The following GNAS variants were observed in gnomAD, a reference collection of about 807,000 sequenced individuals.
GNAS encodes the protein GNAS complex locus, also known as protein ALEX.
Under a neutral mutation model 54.5 loss-of-function variants are expected in GNAS, and 8 were observed. That is an observed-to-expected ratio of 0.15 (90% CI 0.09 to 0.26). The LOEUF (loss-of-function observed/expected upper bound fraction) is 0.26, where lower values mean the gene tolerates loss of function less well. GNAS is among the 10% of genes least tolerant of loss of function. The pLI, the probability that GNAS is intolerant of heterozygous loss-of-function variation, is 1.00. For missense variants in GNAS, 170 were observed against 529.8 expected (o/e 0.32, Z 6.67); for synonymous variants, 204 against 191.4 (o/e 1.07, Z -0.54).
At chr20:58,906,559 TCTCA>T (rs1569022484) in intron 6 of GNAS, among the ~76,000 whole-genome samples, 1 of 152,080 alleles carries the variant, frequency 6.6e-6, no homozygotes, top group East Asian at 1.9e-4. Context: ...TGAAACGGAG[TCTCA>T]CTCTGTCACC....
chr20:58,874,293 G>C (rs1228970318), intron 1 of GNAS, among the ~76,000 whole-genome samples: 10 of 152,250 alleles, frequency 6.6e-5, no homozygotes, highest in African/African-American at 2.4e-4. Context: ...GAGTGGTGCT[G>C]AGAACTGCCT....
intron 3 of GNAS, chr20:58,899,914 T>G: frequency 1.4e-6 from 1 of 717,742 alleles, no homozygotes; most frequent in East Asian, 2.7e-5. Flanking sequence ...GGGGACAAAG[T>G]AACTGACACA....
intron 3 of GNAS, chr20:58,900,109 AAAC>A (rs2090471508): frequency 3.5e-6 from 2 of 575,030 alleles, no homozygotes; most frequent in Non-Finnish European, 6.3e-6. Context: ...ACCTGACCTT[AAAC>A]GATGATTGAA....
intron 1 of GNAS, among the ~76,000 whole-genome samples, chr20:58,851,281 C>A (rs942304899): frequency 1.3e-5 from 2 of 152,174 alleles, no homozygotes; most frequent in Admixed American, 1.3e-4. Context: ...GCCTGTGGTA[C>A]CCTGGCTCTA....
In GNAS at chr20:58,872,269, T is replaced by G. The variant is rs1470072748; in HGVS notation, c.44-23343T>G. Among the ~76,000 whole-genome samples, 4 of 152,192 alleles carry G rather than the reference T, an allele frequency of 2.6e-5. No homozygotes were observed. The East Asian group carries it at 7.7e-4, about 29-fold the overall frequency. The stretch of plus-strand genomic sequence containing the variant: ...TGTAGCACACTTCATGGAGCACAAG[T>G]GTTTTCACATGCCTTATCCCACTAA... On this transcript the variant is annotated intron_variant, in intron 1 of 12. Transcript: ENST00000306090.
At chr20:58,884,940 G>C (rs1308398335) in intron 1 of GNAS, 1 of 152,162 alleles carries the variant, frequency 6.6e-6, no homozygotes, top group Non-Finnish European at 1.5e-5. Context: ...TCTGCTGATG[G>C]GTCTGCCTTT....
At chr20:58,878,914 G>GGGGGGGGGGGGGTT (rs2088028324) in intron 1 of GNAS, among the ~76,000 whole-genome samples, 1 of 20,378 alleles carries the variant, frequency 4.9e-5, no homozygotes, top group African/African-American at 1.4e-4. Flanking sequence ...GGTGCGGGTG[G>GGGGGGGGGGGGGTT]GGGGGGGAGG....
At chr20:58,869,993 C>A (rs1369394327) in intron 1 of GNAS, among the ~76,000 whole-genome samples, 1 of 152,170 alleles carries the variant, frequency 6.6e-6, no homozygotes, top group Non-Finnish European at 1.5e-5. Context: ...CCTGCACCAC[C>A]CCACCCAGCA....
intron 1 of GNAS, among the ~76,000 whole-genome samples, chr20:58,881,348 T>G (rs1427307573): frequency 6.6e-6 from 1 of 152,192 alleles, no homozygotes; most frequent in East Asian, 1.9e-4. Context: ...ATCCATTTCC[T>G]TTGTATGGTT....
In GNAS at chr20:58,857,967, A is replaced by G. The variant is rs970244250; in HGVS notation, c.43+17081A>G. Among the ~76,000 whole-genome samples, 2 of 152,226 alleles carry G rather than the reference A, an allele frequency of 1.3e-5. No individual in the cohort carries two copies. Among genetic ancestry groups the G allele is most frequent in the Non-Finnish European group, 1.5e-5 (1 of 68,040 alleles). On this transcript the variant is annotated intron_variant, in intron 1 of 12. Transcript: ENST00000306090. The surrounding 1 kb of genome is among the most constrained non-coding windows in gnomAD (Gnocchi z 4.1). ...GCAAACCATGGGCCATGTCTAACAT[A>G]AGCCTGAAATATGATAGCCAGTGTT...
intron 2 of GNAS, chr20:58,897,376 C>T (rs2090163006): frequency 6.6e-6 from 1 of 152,150 alleles, no homozygotes; most frequent in Non-Finnish European, 1.5e-5. Context: ...TGCAGGAGTA[C>T]TTACTTATTC....
chr20:58,895,381 T>C, intron 1 of GNAS: 1 of 534,402 alleles, frequency 1.9e-6, no homozygotes. Context: ...CCAGCAAACC[T>C]TAAATTCTTG....
chr20:58,898,626 C>G (rs990219491), intron 2 of GNAS: 1 of 489,014 alleles, frequency 2.0e-6, no homozygotes, highest in Non-Finnish European at 3.7e-6. Context: ...CTTTAGCTCC[C>G]TAATGCGTGT....
At chr20:58,851,515 C>T (rs2086172592) in intron 1 of GNAS, among the ~76,000 whole-genome samples, 1 of 152,166 alleles carries the variant, frequency 6.6e-6, no homozygotes, top group Admixed American at 6.5e-5. Flanking sequence ...CTGGTGAGAC[C>T]GACCTGATGC....
intron 1 of GNAS, among the ~76,000 whole-genome samples, chr20:58,842,916 T>C (rs967958146): frequency 1.3e-5 from 2 of 152,220 alleles, no homozygotes; most frequent in Non-Finnish European, 2.9e-5. Flanking sequence ...AATGAGCATG[T>C]TGCCTTGTTG....
chr20:58,905,168 A>C (rs982016350), intron 5 of GNAS, among the ~76,000 whole-genome samples: 2 of 152,238 alleles, frequency 1.3e-5, no homozygotes, highest in Admixed American at 6.5e-5. Flanking sequence ...GTAATTCACA[A>C]TAAGACCCAG....
chr20:58,905,320 G>T, intron 5 of GNAS, 63 bp from the exon 6 acceptor site: 2 of 931,270 alleles, frequency 2.1e-6, no homozygotes, highest in South Asian at 2.6e-5. Flanking sequence ...GGGTTTGAAT[G>T]ACAGTGTTGT....
chr20:58,854,767 C>G (rs1299134530), intron 1 of GNAS: 1 of 1,554,486 alleles, frequency 6.4e-7, no homozygotes, highest in Non-Finnish European at 8.6e-7. Context: ...ACTGCCCCAG[C>G]CGCTTCTGCC....
At chr20:58,887,182 G>A (rs1175045245), upstream of GNAS, among the ~76,000 whole-genome samples, 1 of 152,184 alleles carries the variant, frequency 6.6e-6, no homozygotes, top group Non-Finnish European at 1.5e-5. Context: ...GTAGCTCCTG[G>A]CATAAGTATC....
Sources: gnomAD v4.1 joint callset for allele counts (sites outside exome capture counted in the v4.1 genomes callset) on GRCh38, gnomAD v4.1.1 for gene constraint, Gnocchi (gnomAD v3.1) non-coding constraint, MANE v1.5 for transcripts, NCBI Gene and HGNC (gene_info 2026-07-23, HGNC 2026-07-21) for gene names.